The following GNAO1 variants were observed in gnomAD, a reference collection of about 807,000 sequenced individuals.
The protein encoded by GNAO1 is G protein subunit alpha o1, also known as guanine nucleotide-binding protein G(o) subunit alpha.
For synonymous variants in GNAO1, 164 were observed against 180.7 expected (o/e 0.91, Z 0.74); for missense variants, 166 against 478.7 (o/e 0.35, Z 6.10).
At chr16:56,355,155 C>T in intron 8 of GNAO1, 74 bp downstream of exon 8, 1 of 512,358 alleles carries the variant, frequency 2.0e-6, no homozygotes, top group Non-Finnish European at 3.4e-6. Context: ...CACACACACA[C>T]CACTAACAAA....
intron 2 of GNAO1, among the ~76,000 whole-genome samples, chr16:56,259,780 A>G (rs1485603623): frequency 6.6e-6 from 1 of 152,226 alleles, no homozygotes; most frequent in Admixed American, 6.5e-5. Flanking sequence ...ACTCAGGGCC[A>G]GTGTGACAAC....
intron 6 of GNAO1, among the ~76,000 whole-genome samples, chr16:56,349,317 T>C (rs1322316782): frequency 6.6e-6 from 1 of 152,162 alleles, no homozygotes; most frequent in Non-Finnish European, 1.5e-5. Flanking sequence ...AGCTCTCTGT[T>C]AGGCAGCTGC....
chr16:56,333,506 G>A (rs570003066), intron 4 of GNAO1, among the ~76,000 whole-genome samples: 9 of 152,304 alleles, frequency 5.9e-5, no homozygotes, highest in Admixed American at 5.2e-4. Context: ...CACCGCACCC[G>A]GCTGCCAAGT....
chr16:56,211,297 C>T (rs2036384637), intron 2 of GNAO1, among the ~76,000 whole-genome samples: 1 of 152,208 alleles, frequency 6.6e-6, no homozygotes. Flanking sequence ...TAAACGTGTT[C>T]AGGCACATCA....
At chr16:56,278,330 G>T (rs917059000) in intron 3 of GNAO1, among the ~76,000 whole-genome samples, 1 of 152,212 alleles carries the variant, frequency 6.6e-6, no homozygotes, top group Non-Finnish European at 1.5e-5. Context: ...GCTTCCTGGT[G>T]GGCAAAGGCC....
At chr16:56,277,303 A>G (rs1294265419) in intron 3 of GNAO1, among the ~76,000 whole-genome samples, 2 of 152,150 alleles carry the variant, frequency 1.3e-5, no homozygotes, top group Non-Finnish European at 2.9e-5. Flanking sequence ...TTCTTCCTGG[A>G]AGGCCGGCTT....
chr16:56,332,366 C>T (rs1051217078), intron 4 of GNAO1, among the ~76,000 whole-genome samples: 52 of 152,264 alleles, frequency 3.4e-4, no homozygotes, highest in Non-Finnish European at 6.9e-4. Context: ...CTGGGCCACT[C>T]GAGGCCCACT....
intron 2 of GNAO1, among the ~76,000 whole-genome samples, chr16:56,261,650 T>G (rs528716893): frequency 1.3e-5 from 2 of 152,220 alleles, no homozygotes; most frequent in Admixed American, 1.3e-4. Flanking sequence ...GGACAGTCCT[T>G]TGGGATCAGC....
chr16:56,283,607 A>G (rs777154775), intron 3 of GNAO1, among the ~76,000 whole-genome samples: 1 of 152,206 alleles, frequency 6.6e-6, no homozygotes, highest in Non-Finnish European at 1.5e-5. Flanking sequence ...ATGAATTCTG[A>G]AACAGATAAA....
chr16:56,230,340 T>C (rs1380107830), intron 2 of GNAO1, among the ~76,000 whole-genome samples: 1 of 152,108 alleles, frequency 6.6e-6, no homozygotes, highest in Admixed American at 6.5e-5. Flanking sequence ...AAGCGGGACA[T>C]TCACCTCCAA....
At chr16:56,338,522 G>T (rs1356504446) in intron 6 of GNAO1, among the ~76,000 whole-genome samples, 1 of 152,220 alleles carries the variant, frequency 6.6e-6, no homozygotes, top group East Asian at 1.9e-4. Flanking sequence ...AACTCCTGGG[G>T]TCTGAGCTCC....
intron 4 of GNAO1, among the ~76,000 whole-genome samples, chr16:56,332,571 G>T (rs2037700013): frequency 6.6e-6 from 1 of 152,218 alleles, no homozygotes; most frequent in Non-Finnish European, 1.5e-5. Context: ...TGGAACACAG[G>T]CCCTGGGAAG....
At chr16:56,313,233 C>T (rs185064909) in intron 3 of GNAO1, among the ~76,000 whole-genome samples, 5 of 152,268 alleles carry the variant, frequency 3.3e-5, no homozygotes, top group African/African-American at 9.6e-5. Flanking sequence ...AAAGAATGCT[C>T]TTGTCCAGCA....
At chr16:56,226,062 G>A (rs1296467802) in intron 2 of GNAO1, among the ~76,000 whole-genome samples, 1 of 151,966 alleles carries the variant, frequency 6.6e-6, no homozygotes, top group Non-Finnish European at 1.5e-5. Context: ...ATTGGAAGGA[G>A]TTAATTAGGA....
At chr16:56,313,425 T>C (rs1268502410) in intron 3 of GNAO1, among the ~76,000 whole-genome samples, 1 of 152,182 alleles carries the variant, frequency 6.6e-6, no homozygotes, top group East Asian at 1.9e-4. Context: ...AATAAAATTT[T>C]TATGGAAAAG....
chr16:56,347,327 C>G, intron 6 of GNAO1: 1 of 985,488 alleles, frequency 1.0e-6, no homozygotes, highest in Non-Finnish European at 1.2e-6. Context: ...AGGCAGTCAC[C>G]CCCAGGCAGT....
At chr16:56,345,052 AC>A (rs1166465734) in intron 6 of GNAO1, 17 of 984,562 alleles carry the variant, frequency 1.7e-5, no homozygotes, top group Non-Finnish European at 1.9e-5. Context: ...GCACAAACAC[AC>A]CCCCCTGTCC....
At chr16:56,329,638 C>T (rs2037669748) in intron 4 of GNAO1, among the ~76,000 whole-genome samples, 1 of 152,200 alleles carries the variant, frequency 6.6e-6, no homozygotes, top group African/African-American at 2.4e-5. Flanking sequence ...CCTTGGCTTT[C>T]GGGAAATGCA....
chr16:56,196,061 G>A (rs1453886396), intron 2 of GNAO1, among the ~76,000 whole-genome samples: 3 of 152,016 alleles, frequency 2.0e-5, no homozygotes, highest in African/African-American at 7.3e-5. Flanking sequence ...AGAGATACCA[G>A]TTTAGAGTGT....
Sources: gnomAD v4.1 joint callset for allele counts (sites outside exome capture counted in the v4.1 genomes callset) on GRCh38, gnomAD v4.1.1 for gene constraint, MANE v1.5 for transcripts, NCBI Gene and HGNC (gene_info 2026-07-23, HGNC 2026-07-21) for gene names.